Variants in MTDH observed in about 807,000 individuals in gnomAD.
The protein encoded by MTDH is protein LYRIC.
MTDH carries 34 observed loss-of-function variants against 72.7 expected under a neutral mutation model. That is an observed-to-expected ratio of 0.47 (90% CI 0.36 to 0.62). The LOEUF is 0.62. Ranked by LOEUF, MTDH falls within the 20% of genes least tolerant of loss-of-function variation. The pLI, the probability that MTDH is intolerant of heterozygous loss-of-function variation, is 0.00. For missense variants in MTDH, 677 were observed against 699.4 expected (o/e 0.97, Z 0.36); for synonymous variants, 266 against 268.9 (o/e 0.99, Z 0.10).
Position 97,655,257 on chromosome 8 carries a change from A to G in MTDH, c.382-5815A>G, listed in dbSNP as rs576092485. ...TGTACTTTACTATATGTTATTGTAT[A>G]CCTGTCTTCCTTTACTAGGTTCTAA... On this transcript the variant is annotated intron_variant, in intron 1 of 11. Coordinates refer to ENST00000336273, the MANE Select transcript of MTDH (RefSeq NM_178812.4). 5.9e-5 allele frequency among the ~76,000 whole-genome samples: 9 copies of G among 152,264 alleles called. No individual in the cohort carries two copies. The South Asian group carries it at 1.7e-3, about 28-fold the overall frequency.
chr8:97,679,638 A>G (rs1018700168), intron 2 of MTDH, among the ~76,000 whole-genome samples: 2 of 152,252 alleles, frequency 1.3e-5, no homozygotes, highest in African/African-American at 4.8e-5. Flanking sequence ...AAGCATGTGC[A>G]TTGATATTGC....
chr8:97,708,581 C>CTTTTT (rs1174573079), intron 8 of MTDH, among the ~76,000 whole-genome samples: 1 of 30,258 alleles, frequency 3.3e-5, no homozygotes, highest in African/African-American at 2.5e-4. Context: ...CATGCCAGGC[C>CTTTTT]TTTTTTTTTT....
intron 2 of MTDH, among the ~76,000 whole-genome samples, chr8:97,674,499 A>T (rs1812764127): frequency 6.6e-6 from 1 of 152,208 alleles, no homozygotes; most frequent in African/African-American, 2.4e-5. Context: ...CCATTTAACC[A>T]TGCCCAGTTT....
At chr8:97,656,567 C>G (rs1453098750) in intron 1 of MTDH, among the ~76,000 whole-genome samples, 1 of 151,560 alleles carries the variant, frequency 6.6e-6, no homozygotes, top group African/African-American at 2.4e-5. Flanking sequence ...TCCCAAAGTG[C>G]TGGGATTACA....
At chr8:97,703,200 A>C (rs1814207811) in intron 7 of MTDH, among the ~76,000 whole-genome samples, 1 of 152,092 alleles carries the variant, frequency 6.6e-6, no homozygotes, top group Non-Finnish European at 1.5e-5. Context: ...CCCCATCTCT[A>C]CAAAAAAAAA....
At chr8:97,723,104 A>C in intron 11 of MTDH, 69 bp downstream of exon 11, 1 of 1,524,978 alleles carries the variant, frequency 6.6e-7, no homozygotes. Context: ...TCTGATCTTA[A>C]AAGTCTAATG....
rs759617566 is a variant in MTDH at position 97,728,399 on chromosome 8, T to C, written c.*3729T>C. On this transcript the variant is annotated 3_prime_UTR_variant, in exon 12 of 12. Transcript: ENST00000336273. ...CAAGCTTTGCCGCTGGGAAGTCATA[T>C]TGAATTAAGCACTTTTGAAAATGTC... is the stretch of plus-strand genomic sequence containing the variant. 5.3e-5 allele frequency: 8 copies of C among 152,204 alleles called. No homozygotes were observed. Among genetic ancestry groups the C allele is most frequent in the Non-Finnish European group, 8.8e-5 (6 of 68,044 alleles). 9.4% of individuals were successfully genotyped at this position (152,204 alleles called of 1,614,324 possible).
intron 5 of MTDH, 57 bp from the exon 6 acceptor site, chr8:97,690,895 T>C: frequency 8.4e-7 from 1 of 1,195,906 alleles, no homozygotes; most frequent in South Asian, 1.4e-5. Context: ...TGTGAAAATA[T>C]CCCAGTTTTA....
chr8:97,711,749 A>T (rs1814648770), intron 8 of MTDH, among the ~76,000 whole-genome samples: 1 of 152,176 alleles, frequency 6.6e-6, no homozygotes, highest in Non-Finnish European at 1.5e-5. Flanking sequence ...TTAATTTGTA[A>T]ATTAGTAAAG....
rs141060215 is a variant in MTDH at position 97,692,112 on chromosome 8, C to T, written c.1048+924C>T. 2.3e-3 allele frequency among the ~76,000 whole-genome samples: 347 copies of T among 152,334 alleles called. 1 individual carries two copies. The highest frequency in any genetic ancestry group is 8.2e-3 in the African/African-American group (339 of 41,578). On this transcript the variant is annotated intron_variant, in intron 6 of 11. Transcript: ENST00000336273. Reference sequence around the variant, plus strand: ...GCGAGGCTGATCGTGAACTCCTGACCTCAGATGATCTGCCAGCCTCGGCCT... The same window carrying T: ...GCGAGGCTGATCGTGAACTCCTGACTTCAGATGATCTGCCAGCCTCGGCCT...
rs1160483103 is a variant in MTDH, at chr8:97,714,897, C to T, written c.1380+1128C>T. On this transcript the variant is annotated intron_variant, in intron 9 of 11. Transcript: ENST00000336273. Reference sequence around the variant, plus strand: ...CTGGAGTGCAGTAGTGCGATCTCAGCTCATTGCAGCCTCTGCCTCCCAGGT... The same window carrying T: ...CTGGAGTGCAGTAGTGCGATCTCAGTTCATTGCAGCCTCTGCCTCCCAGGT... 5.9e-5 allele frequency among the ~76,000 whole-genome samples: 9 copies of T among 152,110 alleles called. No individual in the cohort carries two copies. The East Asian group carries it at 1.6e-3, about 26-fold the overall frequency.
rs144671707 is a variant in MTDH, at chr8:97,709,200, A to C, written c.1272+2450A>C. ...CATAGCGAGACTCCATCTCAAAAAA[A>C]AAAAAAAAACCACCAGATATAATAC... On this transcript the variant is annotated intron_variant, in intron 8 of 11. Coordinates refer to ENST00000336273, the MANE Select transcript of MTDH (RefSeq NM_178812.4). Among the ~76,000 whole-genome samples, 1,161 of 152,164 alleles carry C rather than the reference A, an allele frequency of 7.6e-3. 17 individuals carry two copies. The highest frequency in any genetic ancestry group is 0.026 in the African/African-American group (1,084 of 41,502).
At chr8:97,706,485 T>C (rs1416552559) in intron 7 of MTDH, 141 bp from the exon 8 acceptor site, 2 of 630,540 alleles carry the variant, frequency 3.2e-6, no homozygotes, top group African/African-American at 3.8e-5. Flanking sequence ...TGTTATTTTT[T>C]TTTCTGGCTC....
intron 2 of MTDH, among the ~76,000 whole-genome samples, chr8:97,681,201 T>C (rs1370824504): frequency 6.6e-6 from 1 of 151,868 alleles, no homozygotes; most frequent in Non-Finnish European, 1.5e-5. Context: ...GCAAAGAAAA[T>C]CACTCCAGCA....
intron 8 of MTDH, among the ~76,000 whole-genome samples, chr8:97,712,363 T>C (rs1350634987): frequency 6.6e-6 from 1 of 152,174 alleles, no homozygotes; most frequent in Non-Finnish European, 1.5e-5. Context: ...TTTGTTTTTT[T>C]TCACTCCACA....
chr8:97,684,744 G>A (rs751454068), intron 2 of MTDH, among the ~76,000 whole-genome samples: 7 of 152,132 alleles, frequency 4.6e-5, no homozygotes, highest in South Asian at 2.1e-4. Context: ...GGGAGTAAAC[G>A]CTAATCATTA....
At chr8:97,716,430 C>A (rs1358630777) in intron 9 of MTDH, among the ~76,000 whole-genome samples, 2 of 151,552 alleles carry the variant, frequency 1.3e-5, no homozygotes, top group African/African-American at 4.9e-5. Flanking sequence ...GTGGCTCATG[C>A]CTGTAATCCC....
intron 2 of MTDH, among the ~76,000 whole-genome samples, chr8:97,677,348 G>T (rs1332323378): frequency 6.6e-6 from 1 of 151,524 alleles, no homozygotes; most frequent in Non-Finnish European, 1.5e-5. Flanking sequence ...AAAATTAGCC[G>T]GGCATGGTGG....
At chr8:97,716,314 A>G (rs892237648) in intron 9 of MTDH, among the ~76,000 whole-genome samples, 13 of 152,128 alleles carry the variant, frequency 8.5e-5, no homozygotes, top group African/African-American at 3.1e-4. Flanking sequence ...TGAACCCGGG[A>G]GGCGGAGGTT....
Sources: allele counts gnomAD v4.1 joint callset (sites outside exome capture counted in the v4.1 genomes callset), GRCh38; gene constraint gnomAD v4.1.1; transcripts MANE v1.5; gene names NCBI Gene and HGNC (gene_info 2026-07-23, HGNC 2026-07-21).